NPR2: variants seen among roughly 807,000 people sequenced by gnomAD.
NPR2 encodes the protein atrial natriuretic peptide receptor 2.
A neutral mutation model predicts 120.7 loss-of-function variants in NPR2; 49 were observed. That is an observed-to-expected ratio of 0.41 (90% confidence interval 0.32 to 0.52). NPR2 has a LOEUF of 0.52. Ranked by LOEUF, NPR2 falls within the 20% of genes least tolerant of loss-of-function variation. NPR2 has a pLI of 0.36. For synonymous variants in NPR2, 484 were observed against 519.8 expected (o/e 0.93, Z 0.94); for missense variants, 931 against 1,362.9 (o/e 0.68, Z 4.99).
intron 12 of NPR2, among the ~76,000 whole-genome samples, chr9:35,804,550 G>C (rs979843579): frequency 2.0e-5 from 3 of 152,176 alleles, no homozygotes; most frequent in African/African-American, 7.2e-5. Flanking sequence ...CTGTCTTTCA[G>C]CTCCTCGGAG....
At position 35,806,188 on chromosome 9, in the gene NPR2, G is replaced by A. The variant is rs780293535; in HGVS notation, c.2327G>A (p.Arg776Gln). The A allele has an allele frequency of 3.7e-6, 6 of 1,614,068 alleles. No individual in the cohort carries two copies. The Admixed American group carries it at 5.0e-5, about 13-fold the overall frequency. ...ERCWAQDPAE[R>Q]PDFGQIKGFI... The stretch of plus-strand genomic sequence containing the variant: ...TGTTGGGCTCAGGACCCAGCTGAGC[G>A]GCCAGACTTTGGACAGATTAAGGGC... Residue 776 changes from arginine to glutamine, a missense_variant, in exon 15 of 22, where the codon CGG (arginine) becomes CAG (glutamine). By Grantham distance (43) the Arg-to-Gln change is conservative. Transcript: ENST00000342694. This position sits in a 1 kb window ranked among gnomAD's most constrained non-coding sequence, Gnocchi z 4.6.
intron 2 of NPR2, among the ~76,000 whole-genome samples, chr9:35,797,821 T>C (rs1827990151): frequency 6.6e-6 from 1 of 152,150 alleles, no homozygotes; most frequent in Admixed American, 6.5e-5. Flanking sequence ...CATAGCAGTT[T>C]AGGGGGACCA....
chr9:35,804,406 T>C (rs1828287205), intron 12 of NPR2, among the ~76,000 whole-genome samples: 2 of 152,132 alleles, frequency 1.3e-5, no homozygotes, highest in Admixed American at 6.5e-5. Flanking sequence ...CTCATTTTTA[T>C]ATTTTTGGTA....
chr9:35,797,979 T>G (rs1213672474), intron 2 of NPR2, among the ~76,000 whole-genome samples: 1 of 152,210 alleles, frequency 6.6e-6, no homozygotes, highest in Non-Finnish European at 1.5e-5. Flanking sequence ...GCTTGTGTGT[T>G]CTTGCGTTTT....
chr9:35,805,961 G>C lies in NPR2; in HGVS notation c.2179G>C (p.Glu727Gln). The C allele has an allele frequency of 6.2e-7, 1 of 1,614,212 alleles. No individual in the cohort carries two copies. The highest frequency in any genetic ancestry group is 8.5e-7 in the Non-Finnish European group (1 of 1,180,038). Residue 727 changes from glutamate to glutamine, a missense_variant, in exon 14 of 22, where the codon GAG becomes CAG. By Grantham distance (29) the Glu-to-Gln change is conservative. This residue lies in a region of NPR2 where 681 missense variants were observed against 974.3 expected (regional missense o/e 0.70). Transcript: ENST00000342694. The surrounding 1 kb of genome is among the most constrained non-coding windows in gnomAD (Gnocchi z 4.9). Reference sequence around the variant, plus strand: ...ACTTCGCAGTGGTCCTTTCTACTTGGAGGGCCTGGACCTCAGCCCCAAAGG... The same window carrying C: ...ACTTCGCAGTGGTCCTTTCTACTTGCAGGGCCTGGACCTCAGCCCCAAAGG... The part of the protein sequence containing the change: ...IALRSGPFYL[E>Q]GLDLSPKEIV...
chr9:35,792,774 G>T lies in NPR2; in HGVS notation c.366G>T (p.Ala122=), dbSNP rs549842668. The T allele has an allele frequency of 6.2e-7, 1 of 1,614,208 alleles. No homozygotes were observed. The highest frequency in any genetic ancestry group is 1.7e-5 in the Admixed American group (1 of 60,032). Residue 122 remains alanine (A), a synonymous_variant, in exon 1 of 22, where the codon GCG becomes GCT. Transcript: ENST00000342694. Reference sequence around the variant, plus strand: ...ACTGGCGCCTTCCCCTGCTGACTGCGGGTGCTGTGGCCTCTGGTTTTTCGG... The same window carrying T: ...ACTGGCGCCTTCCCCTGCTGACTGCTGGTGCTGTGGCCTCTGGTTTTTCGG... The part of the protein sequence containing the change: ...ASHWRLPLLT[A]GAVASGFSAK...
In NPR2 at chr9:35,806,629, C is replaced by A; in HGVS notation, c.2519+91C>A. 7.2e-7 allele frequency: 1 copy of A among 1,380,550 alleles called. No individual in the cohort carries two copies. The highest frequency in any genetic ancestry group is 1.0e-6 in the Non-Finnish European group (1 of 970,552). 85.5% of individuals were successfully genotyped at this position (1,380,550 alleles called of 1,614,324 possible). ...AGGCACCTGAGAACTCGCCTCCCCA[C>A]CCTCAGAACCCTGCTGGCCACAGGG... On this transcript the variant is annotated intron_variant, in intron 16 of 21. Coordinates refer to ENST00000342694, the MANE Select transcript of NPR2 (RefSeq NM_003995.4). The surrounding 1 kb of genome is among the most constrained non-coding windows in gnomAD (Gnocchi z 4.6).
chr9:35,802,230 G>C lies in NPR2; in HGVS notation c.1657G>C (p.Val553Leu). ...FKGNVVAIKH[V>L]NKKRIELTRQ... ...GGGAAATGTTGTCGCCATCAAACAT[G>C]TGAATAAGAAGCGCATTGAGCTGAC... The change falls in exon 10 of 22, where the codon GTG becomes CTG. Residue 553 changes from valine (V) to leucine (L), a missense_variant. Transcript: ENST00000342694. This position sits in a 1 kb window ranked among gnomAD's most constrained non-coding sequence, Gnocchi z 4.2. 10 of 1,609,008 alleles carry C rather than the reference G, an allele frequency of 6.2e-6. No homozygotes were observed. Among genetic ancestry groups the C allele is most frequent in the Non-Finnish European group, 8.5e-6 (10 of 1,175,570 alleles).
chr9:35,799,926 A>G, intron 3 of NPR2, 96 bp from the exon 4 acceptor site: 1 of 1,577,834 alleles, frequency 6.3e-7, no homozygotes, highest in Admixed American at 1.7e-5. Context: ...GAAGAAAGCA[A>G]ACCAGAAGAG....
chr9:35,802,708 A>G lies in NPR2; in HGVS notation c.1816-24A>G, dbSNP rs748592070. 1 of 1,580,600 alleles carries G rather than the reference A, an allele frequency of 6.3e-7. No individual in the cohort carries two copies. The highest frequency in any genetic ancestry group is 8.7e-7 in the Non-Finnish European group (1 of 1,149,522). On this transcript the variant is annotated intron_variant, in intron 11 of 21. Transcript: ENST00000342694. The surrounding 1 kb of genome is among the most constrained non-coding windows in gnomAD (Gnocchi z 4.2). ...GATAGCTGGTGGGACCAGGACAGAC[A>G]GTCTATTCCATGTCACTTACCAGGA...
Position 35,801,942 on chromosome 9 carries a change from G to C in NPR2, c.1574G>C (p.Gly525Ala). The change falls in exon 9 of 22, where the codon GGC becomes GCC. Residue 525 changes from glycine to alanine, a missense_variant. By Grantham distance (60) the Gly-to-Ala change is moderately conservative (BLOSUM62 0). This residue lies in a region of NPR2 where 681 missense variants were observed against 974.3 expected (regional missense o/e 0.70). Transcript: ENST00000342694. The part of the protein sequence containing the change: ...LTLSLRGSSY[G>A]SLMTAHGKYQ... ...TGGCCCCAGCGGGGATCCAGTTACGGCTCGCTCATGACAGCCCATGGGAAA... is the reference window on the plus strand; with the variant it reads ...TGGCCCCAGCGGGGATCCAGTTACGCCTCGCTCATGACAGCCCATGGGAAA... 1 of 1,614,098 alleles carries C rather than the reference G, an allele frequency of 6.2e-7. No homozygotes were observed. The highest frequency in any genetic ancestry group is 8.5e-7 in the Non-Finnish European group (1 of 1,180,004).
At position 35,805,915 on chromosome 9, in the gene NPR2, G is replaced by A. The variant is rs1336101410; in HGVS notation, c.2133G>A (p.Gly711=). 5 of 1,614,082 alleles carry A rather than the reference G, an allele frequency of 3.1e-6. No individual in the cohort carries two copies. The highest frequency in any genetic ancestry group is 3.4e-6 in the Non-Finnish European group (4 of 1,180,030). Residue 711 remains glycine, a synonymous_variant, in exon 14 of 22, where the codon GGG becomes GGA. Coordinates refer to ENST00000342694, the MANE Select transcript of NPR2 (RefSeq NM_003995.4). The surrounding 1 kb of genome is among the most constrained non-coding windows in gnomAD (Gnocchi z 4.9). ...GMQKADVYSF[G]IILQEIALRS... is the part of the protein sequence containing the mutation. ...AGAAGGCTGACGTCTATAGCTTTGG[G>A]ATCATCCTGCAGGAGATAGCACTTC...
chr9:35,802,741 G>A lies in NPR2; in HGVS notation c.1825G>A (p.Glu609Lys), dbSNP rs374029484. 138 of 1,612,096 alleles carry A rather than the reference G, an allele frequency of 8.6e-5. No individual in the cohort carries two copies. Among genetic ancestry groups the A allele is most frequent in the Non-Finnish European group, 1.1e-4 (134 of 1,178,222 alleles). ...CCATGTCACTTACCAGGATATTCTA[G>A]AAAATGACAGCATCAACTTGGACTG... ...CPRGSLQDIL[E>K]NDSINLDWMF... Residue 609 changes from glutamate (E) to lysine (K), a missense_variant, in exon 12 of 22, where the codon GAA becomes AAA. Physicochemically the swap from Glu to Lys is moderately conservative, Grantham distance 56. Transcript: ENST00000342694. The surrounding 1 kb of genome is among the most constrained non-coding windows in gnomAD (Gnocchi z 4.2).
chr9:35,807,315 T>G lies in NPR2; in HGVS notation c.2644-15T>G, dbSNP rs1189214853. ...GGCACAAGTCTCAGGGCCTCTGCTT[T>G]TCTATCCCTTTTAGGTAGTGACACT... On this transcript the variant is annotated splice_polypyrimidine_tract_variant and intron_variant, in intron 17 of 21. Coordinates refer to ENST00000342694, the MANE Select transcript of NPR2 (RefSeq NM_003995.4). The G allele has an allele frequency of 1.9e-6, 3 of 1,610,208 alleles. No homozygotes were observed. Among genetic ancestry groups the G allele is most frequent in the Non-Finnish European group, 2.6e-6 (3 of 1,176,458 alleles).
Position 35,799,717 on chromosome 9 carries a change from C to T in NPR2, c.973C>T (p.Leu325=). Residue 325 remains leucine (L), a synonymous_variant, in exon 3 of 22, where the codon CTG becomes TTG. Transcript: ENST00000342694. ...AGCCCGGGAAGACTTTGGTGTGGAG[C>T]TGGGCCCTTCCCTGGTAAGTAGATC... The part of the protein sequence containing the change: ...IRAREDFGVE[L]GPSLMNLIAG... 1 of 1,613,466 alleles carries T rather than the reference C, an allele frequency of 6.2e-7. No individual in the cohort carries two copies. The highest frequency in any genetic ancestry group is 8.5e-7 in the Non-Finnish European group (1 of 1,179,510).
Position 35,802,637 on chromosome 9 carries a change from G to A in NPR2, c.1815+30G>A. The stretch of plus-strand genomic sequence containing the variant: ...GGGATAGGTGTAGGAGATTATGGCA[G>A]GGGTGGGAAGGATAGACCCAAAGTT... On this transcript the variant is annotated intron_variant, in intron 11 of 21. Coordinates refer to ENST00000342694, the MANE Select transcript of NPR2 (RefSeq NM_003995.4). This position sits in a 1 kb window ranked among gnomAD's most constrained non-coding sequence, Gnocchi z 4.2. The A allele has an allele frequency of 6.7e-7, 1 of 1,488,422 alleles. No individual in the cohort carries two copies. The highest frequency in any genetic ancestry group is 9.4e-7 in the Non-Finnish European group (1 of 1,065,560). 92.2% of individuals were successfully genotyped at this position (1,488,422 alleles called of 1,614,324 possible). A position where few individuals can be genotyped will look rare whatever the true frequency, so the allele number is the denominator to read the frequency against.
intron 2 of NPR2, among the ~76,000 whole-genome samples, chr9:35,798,942 ACATCTATTACT>A (rs1828031265): frequency 6.6e-6 from 1 of 152,226 alleles, no homozygotes; most frequent in East Asian, 1.9e-4. Context: ...TCCCTGTGAC[ACATCTATTACT>A]CAGTAAGCAG....
rs767114653 is a variant in NPR2 at position 35,793,981 on chromosome 9, GTCT to G, written c.756_758del (p.Phe253del). ...GGAGAATCTGACCAATGGGGATTAT[GTCT>G]TCTTTTACCTGGATGTCTTTGGGGA... On this transcript the variant is annotated inframe_deletion, in exon 2 of 22. Transcript: ENST00000342694. 3.1e-6 allele frequency: 5 copies of G among 1,614,200 alleles called. No individual in the cohort carries two copies. The Admixed American group carries it at 8.3e-5, about 27-fold the overall frequency.
Position 35,808,171 on chromosome 9 carries a change from C to T in NPR2, c.2713-338C>T. ...CCATTTCACTGGGCCTGCTTTACCT[C>T]CTCACCAGCCTCTGTCCTCTTGAGT... On this transcript the variant is annotated intron_variant, in intron 18 of 21. Transcript: ENST00000342694. The surrounding 1 kb of genome is among the most constrained non-coding windows in gnomAD (Gnocchi z 4.0). The T allele has an allele frequency of 1.2e-6, 2 of 1,612,652 alleles. No individual in the cohort carries two copies. Among genetic ancestry groups the T allele is most frequent in the South Asian group, 1.1e-5 (1 of 91,060 alleles).
Sources: allele counts gnomAD v4.1 joint callset (sites outside exome capture counted in the v4.1 genomes callset), GRCh38; gene constraint gnomAD v4.1.1; regional missense constraint gnomAD v4.1.1; non-coding constraint Gnocchi (gnomAD v3.1); transcripts MANE v1.5; gene names NCBI Gene and HGNC (gene_info 2026-07-23, HGNC 2026-07-21).